PTPRA: variants seen among roughly 807,000 people sequenced by gnomAD.
PTPRA encodes the protein receptor-type tyrosine-protein phosphatase alpha.
A neutral mutation model predicts 104.8 loss-of-function variants in PTPRA; 25 were observed. That is an observed-to-expected ratio of 0.24 (90% CI 0.17 to 0.33). PTPRA has a LOEUF of 0.33. PTPRA is among the 10% of genes least tolerant of loss of function. PTPRA has a pLI of 1.00. For missense variants in PTPRA, 765 were observed against 1,015.3 expected (o/e 0.75, Z 3.35); for synonymous variants, 323 against 368.9 (o/e 0.88, Z 1.43).
intron 2 of PTPRA, among the ~76,000 whole-genome samples, chr20:2,924,702 G>A (rs2060229334): frequency 6.6e-6 from 1 of 152,152 alleles, no homozygotes; most frequent in South Asian, 2.1e-4. Context: ...TGTTTTTTGA[G>A]ACTGAGTCTT....
chr20:2,913,338 A>G (rs888230123), intron 1 of PTPRA, among the ~76,000 whole-genome samples: 3 of 152,110 alleles, frequency 2.0e-5, no homozygotes, highest in Non-Finnish European at 4.4e-5. Flanking sequence ...AGATTGTGTC[A>G]CTGCATTCCA....
At chr20:3,031,320 A>T (rs1192207073) in intron 20 of PTPRA, among the ~76,000 whole-genome samples, 1 of 151,656 alleles carries the variant, frequency 6.6e-6, no homozygotes, top group African/African-American at 2.4e-5. Context: ...TTAAGATGCT[A>T]TTATCTAGAG....
intron 1 of PTPRA, among the ~76,000 whole-genome samples, chr20:2,912,410 G>A (rs1243654853): frequency 1.3e-5 from 2 of 151,852 alleles, no homozygotes; most frequent in East Asian, 3.9e-4. Flanking sequence ...GATTGCTTGA[G>A]CTCAGGAGTT....
In PTPRA at chr20:3,035,895, A is replaced by C; in HGVS notation, c.2152A>C (p.Lys718Gln). 6.2e-7 allele frequency: 1 copy of C among 1,614,042 alleles called. No homozygotes were observed. The highest frequency in any genetic ancestry group is 8.5e-7 in the Non-Finnish European group (1 of 1,180,040). ...GATCAGCATCATCGCCGCCGTGCAG[A>C]AGCAGCAGCAGCAGTCAGGGAACCA... ...GMISIIAAVQ[K>Q]QQQQSGNHPI... Residue 718 changes from lysine (K) to glutamine (Q), a missense_variant, in exon 22 of 24, where the codon AAG becomes CAG. By Grantham distance (53) the Lys-to-Gln change is moderately conservative (BLOSUM62 1). Coordinates refer to ENST00000399903, the MANE Select transcript of PTPRA (RefSeq NM_001385305.1). The surrounding 1 kb of genome is among the most constrained non-coding windows in gnomAD (Gnocchi z 5.8).
intron 1 of PTPRA, among the ~76,000 whole-genome samples, chr20:2,897,515 G>A (rs1043321510): frequency 6.0e-5 from 9 of 150,676 alleles, no homozygotes; most frequent in African/African-American, 2.0e-4. Flanking sequence ...ACCCTCCCAA[G>A]TAGCTGGGGT....
At chr20:2,922,092 C>T (rs1280301285) in intron 1 of PTPRA, among the ~76,000 whole-genome samples, 1 of 152,120 alleles carries the variant, frequency 6.6e-6, no homozygotes. Flanking sequence ...CATATGTTCC[C>T]TAGGGAAGGG....
At chr20:2,940,322 CTT>C (rs59001573) in intron 2 of PTPRA, among the ~76,000 whole-genome samples, 13 of 141,016 alleles carry the variant, frequency 9.2e-5, no homozygotes, top group Non-Finnish European at 7.8e-5. Context: ...CTTTTCTTTT[CTT>C]TTTTTTTTTT....
At chr20:2,931,410 G>T (rs921558737) in intron 2 of PTPRA, among the ~76,000 whole-genome samples, 12 of 151,526 alleles carry the variant, frequency 7.9e-5, no homozygotes, top group Admixed American at 6.6e-4. Flanking sequence ...TAAAGGGAAG[G>T]TAATTAATTT....
rs183432522 is a variant in PTPRA at position 3,024,138 on chromosome 20, A to G, written c.1465-334A>G. ...CCAGGAGGGAGGCAGGGACCAGACT[A>G]TCACGGGCTTTGGGTGTCTCCAGTT... On this transcript the variant is annotated intron_variant, in intron 16 of 23. Coordinates refer to ENST00000399903, the MANE Select transcript of PTPRA (RefSeq NM_001385305.1). Among the ~76,000 whole-genome samples the G allele has an allele frequency of 6.5e-4, 99 of 152,338 alleles. 1 individual carries two copies. Among genetic ancestry groups the G allele is most frequent in the African/African-American group, 2.2e-3 (92 of 41,586 alleles).
chr20:2,978,320 A>C (rs902194940), intron 6 of PTPRA, among the ~76,000 whole-genome samples: 1 of 152,228 alleles, frequency 6.6e-6, no homozygotes, highest in African/African-American at 2.4e-5. Flanking sequence ...CAGTGGTTAG[A>C]TTCTAGAGGC....
rs562357665 is a variant in PTPRA, at chr20:2,885,617, A to G, written c.-129+11857A>G. ...AATAGTCTTGCTTGCCCCAACAAAC[A>G]GAGTCAAACCTTCCTCTGATTAGTG... On this transcript the variant is annotated intron_variant, in intron 1 of 23. Coordinates refer to ENST00000399903, the MANE Select transcript of PTPRA (RefSeq NM_001385305.1). Among the ~76,000 whole-genome samples the G allele has an allele frequency of 7.2e-5, 11 of 152,348 alleles. No individual in the cohort carries two copies. In the East Asian group the frequency reaches 1.7e-3, roughly 24 times the overall value.
At chr20:2,959,741 A>G (rs1047528759) in intron 3 of PTPRA, among the ~76,000 whole-genome samples, 11 of 152,166 alleles carry the variant, frequency 7.2e-5, no homozygotes, top group African/African-American at 1.9e-4. Context: ...TCACAAGGTC[A>G]GGAGTTTAAG....
chr20:3,033,057 TTGGAGTATAC>T (rs2065588137), intron 20 of PTPRA, among the ~76,000 whole-genome samples: 1 of 151,966 alleles, frequency 6.6e-6, no homozygotes, highest in African/African-American at 2.4e-5. Flanking sequence ...CTCTAAAACA[TTGGAGTATAC>T]TAGACTCGGG....
At chr20:2,953,071 A>G (rs1401020571) in intron 3 of PTPRA, among the ~76,000 whole-genome samples, 1 of 152,058 alleles carries the variant, frequency 6.6e-6, no homozygotes, top group Non-Finnish European at 1.5e-5. Flanking sequence ...ATGTTCCCAA[A>G]AGTAGAATTG....
chr20:2,923,060 G>C (rs1209472598), intron 1 of PTPRA, 147 bp from the exon 2 acceptor site: 1 of 273,908 alleles, frequency 3.7e-6, no homozygotes, highest in African/African-American at 2.3e-5. Flanking sequence ...TAAGTAGCTG[G>C]GATTATAGGC....
intron 9 of PTPRA, among the ~76,000 whole-genome samples, chr20:3,004,723 A>T (rs2063787482): frequency 6.6e-6 from 1 of 152,232 alleles, no homozygotes; most frequent in African/African-American, 2.4e-5. Flanking sequence ...GTATGTCCCC[A>T]TTCCAATTTA....
At chr20:2,875,932 A>G (rs900624376) in intron 1 of PTPRA, among the ~76,000 whole-genome samples, 1 of 152,230 alleles carries the variant, frequency 6.6e-6, no homozygotes, top group Admixed American at 6.5e-5. Flanking sequence ...GACTGCACAC[A>G]TAGGCAAGAG....
chr20:2,972,935 G>A (rs1233562643), intron 5 of PTPRA, among the ~76,000 whole-genome samples: 2 of 152,014 alleles, frequency 1.3e-5, no homozygotes, highest in Non-Finnish European at 2.9e-5. Flanking sequence ...GCCCAGGCTG[G>A]TCTTGAACTC....
chr20:2,909,772 T>A (rs562151650), intron 1 of PTPRA, among the ~76,000 whole-genome samples: 4 of 136,598 alleles, frequency 2.9e-5, no homozygotes, highest in Non-Finnish European at 6.1e-5. Context: ...TAATATATAT[T>A]ATAAGATAAT....
Sources: gnomAD v4.1 joint callset for allele counts (sites outside exome capture counted in the v4.1 genomes callset) on GRCh38, gnomAD v4.1.1 for gene constraint, Gnocchi (gnomAD v3.1) non-coding constraint, MANE v1.5 for transcripts, NCBI Gene and HGNC (gene_info 2026-07-23, HGNC 2026-07-21) for gene names.